The following CTNND2 variants were observed in gnomAD, a reference collection of about 807,000 sequenced individuals.
The protein encoded by CTNND2 is catenin delta 2, also known as catenin delta-2.
A neutral mutation model predicts 144.4 loss-of-function variants in CTNND2; 22 were observed. That is an observed-to-expected ratio of 0.15 (90% confidence interval 0.11 to 0.22). The LOEUF is 0.22. CTNND2 is among the 10% of genes least tolerant of loss of function. CTNND2 has a pLI of 1.00. For missense variants in CTNND2, 1,353 were observed against 1,618.8 expected (o/e 0.84, Z 2.82); for synonymous variants, 751 against 695.6 (o/e 1.08, Z -1.25).
chr5:11,026,304 G>A (rs1330740957), intron 16 of CTNND2, among the ~76,000 whole-genome samples: 1 of 150,274 alleles, frequency 6.7e-6, no homozygotes, highest in African/African-American at 2.4e-5. Flanking sequence ...GCAGGCACCA[G>A]TAACCACTGC....
At chr5:11,836,941 GC>G (rs1794216459) in intron 1 of CTNND2, among the ~76,000 whole-genome samples, 1 of 152,174 alleles carries the variant, frequency 6.6e-6, no homozygotes, top group Non-Finnish European at 1.5e-5. Context: ...AAGCGGGGCC[GC>G]TCTGGGAAAG....
intron 9 of CTNND2, among the ~76,000 whole-genome samples, chr5:11,285,335 C>T (rs1237488287): frequency 1.3e-5 from 2 of 152,186 alleles, no homozygotes; most frequent in Non-Finnish European, 2.9e-5. Flanking sequence ...AATCTCTCTT[C>T]CCCTATTGCA....
At chr5:11,728,495 A>T (rs192369295) in intron 2 of CTNND2, among the ~76,000 whole-genome samples, 108 of 152,180 alleles carry the variant, frequency 7.1e-4, no homozygotes, top group Non-Finnish European at 1.3e-3. Context: ...AAACAAAACA[A>T]ACCCACAGAA....
rs531307372 is a variant in CTNND2 at position 11,091,573 on chromosome 5, A to G, written c.2637+7002T>C. On this transcript the variant is annotated intron_variant, in intron 15 of 21. Transcript: ENST00000304623. ...GGGTGCTGAATATTTTTGTATTCCT[A>G]CGGGTATCTTAAAGCTTTGTTCTAG... 5.9e-5 allele frequency among the ~76,000 whole-genome samples: 9 copies of G among 152,278 alleles called. No homozygotes were observed. The South Asian group carries it at 1.9e-3, about 32-fold the overall frequency.
intron 18 of CTNND2, among the ~76,000 whole-genome samples, chr5:11,004,257 C>G (rs923536388): frequency 1.3e-5 from 2 of 152,192 alleles, no homozygotes; most frequent in Admixed American, 1.3e-4. Context: ...TAACAATGTC[C>G]TCTGTGTTTC....
In CTNND2 at chr5:11,004,338, T is replaced by TCTAG. The variant is rs543579997; in HGVS notation, c.3085-11665_3085-11662dup. On this transcript the variant is annotated intron_variant, in intron 18 of 21. Coordinates refer to ENST00000304623, the MANE Select transcript of CTNND2 (RefSeq NM_001332.4). ...GTCTTCAGATTTAGGAATACAAATGTCTAGCTTCTAATATGTCATTTGAGC... is the reference window on the plus strand; with the variant it reads ...GTCTTCAGATTTAGGAATACAAATGTCTAGCTAGCTTCTAATATGTCATTTGAGC... Among the ~76,000 whole-genome samples, 18 of 152,362 alleles carry TCTAG rather than the reference T, an allele frequency of 1.2e-4. 1 individual carries two copies. The highest frequency in any genetic ancestry group is 3.8e-4 in the African/African-American group (16 of 41,596).
chr5:11,208,827 A>G (rs1313153689), intron 10 of CTNND2, among the ~76,000 whole-genome samples: 1 of 152,206 alleles, frequency 6.6e-6, no homozygotes, highest in African/African-American at 2.4e-5. Context: ...AAAGAACTAA[A>G]CAAAATATTG....
At chr5:11,140,599 C>CTATATT (rs1561371704) in intron 12 of CTNND2, among the ~76,000 whole-genome samples, 4 of 152,104 alleles carry the variant, frequency 2.6e-5, no homozygotes, top group Non-Finnish European at 5.9e-5. Flanking sequence ...CTACCAGTTC[C>CTATATT]TACTGTGATG....
intron 10 of CTNND2, among the ~76,000 whole-genome samples, chr5:11,226,046 G>C (rs1740305883): frequency 6.6e-6 from 1 of 152,178 alleles, no homozygotes; most frequent in Admixed American, 6.5e-5. Context: ...CAGAGGCAAG[G>C]AAGGATTCCA....
At chr5:11,727,230 T>C (rs1029607612) in intron 2 of CTNND2, among the ~76,000 whole-genome samples, 1 of 152,214 alleles carries the variant, frequency 6.6e-6, no homozygotes, top group Non-Finnish European at 1.5e-5. Flanking sequence ...CCTTCATACA[T>C]GAACTTCATA....
At chr5:11,150,614 CTTCT>C (rs1757667748) in intron 12 of CTNND2, among the ~76,000 whole-genome samples, 1 of 129,390 alleles carries the variant, frequency 7.7e-6, no homozygotes, top group African/African-American at 3.2e-5. Context: ...GAACTGCTGC[CTTCT>C]TTTTTTTTTT....
intron 12 of CTNND2, among the ~76,000 whole-genome samples, chr5:11,138,158 G>A (rs745775297): frequency 9.9e-5 from 15 of 152,128 alleles, no homozygotes; most frequent in East Asian, 1.9e-4. Context: ...ATTTCTTGGC[G>A]TGTGGCCTCC....
chr5:11,726,976 T>A (rs1181621825), intron 2 of CTNND2, among the ~76,000 whole-genome samples: 1 of 152,078 alleles, frequency 6.6e-6, no homozygotes, highest in Non-Finnish European at 1.5e-5. Context: ...AGAATACACA[T>A]AAGAGAGCAT....
At chr5:11,791,296 A>G (rs1380444352) in intron 1 of CTNND2, among the ~76,000 whole-genome samples, 1 of 152,228 alleles carries the variant, frequency 6.6e-6, no homozygotes, top group East Asian at 1.9e-4. Flanking sequence ...GGCAGGGGGT[A>G]TCTCATGGAT....
At chr5:11,754,542 T>C (rs561483944) in intron 1 of CTNND2, among the ~76,000 whole-genome samples, 277 of 151,882 alleles carry the variant, frequency 1.8e-3, no homozygotes, top group African/African-American at 6.2e-3. Flanking sequence ...TGATCTAATA[T>C]TGTCAGTGGG....
At chr5:11,337,727 C>A (rs1753865683) in intron 9 of CTNND2, among the ~76,000 whole-genome samples, 1 of 151,838 alleles carries the variant, frequency 6.6e-6, no homozygotes, top group Non-Finnish European at 1.5e-5. Context: ...GCACTACCTG[C>A]TTTTTTTTAA....
chr5:11,233,182 G>C (rs767945013), intron 10 of CTNND2, among the ~76,000 whole-genome samples: 2 of 152,128 alleles, frequency 1.3e-5, no homozygotes, highest in Non-Finnish European at 2.9e-5. Context: ...TGAGGAGATG[G>C]TCTTAAATCC....
intron 3 of CTNND2, among the ~76,000 whole-genome samples, chr5:11,534,603 T>C (rs147032363): frequency 0.013 from 1,897 of 150,928 alleles, 16 homozygotes; most frequent in Non-Finnish European, 0.018. Context: ...GAAACTCCAT[T>C]GCAGGGGAAA....
intron 2 of CTNND2, among the ~76,000 whole-genome samples, chr5:11,643,213 TTA>T (rs201799376): frequency 2.6e-4 from 38 of 148,510 alleles, no homozygotes; most frequent in Non-Finnish European, 4.2e-4. Context: ...ATTTAATATT[TTA>T]TTTTTTATTT....
Sources: gnomAD v4.1 joint callset for allele counts (sites outside exome capture counted in the v4.1 genomes callset) on GRCh38, gnomAD v4.1.1 for gene constraint, MANE v1.5 for transcripts, NCBI Gene and HGNC (gene_info 2026-07-23, HGNC 2026-07-21) for gene names.